KCNIP1: variants seen among roughly 807,000 people sequenced by gnomAD.
The protein encoded by KCNIP1 is potassium voltage-gated channel interacting protein 1, also known as A-type potassium channel modulatory protein KCNIP1.
KCNIP1 carries 18 observed loss-of-function variants against 33.0 expected under a neutral mutation model. That is an observed-to-expected ratio of 0.55 (90% CI 0.38 to 0.81). The LOEUF (loss-of-function observed/expected upper bound fraction) is 0.81, where lower values mean the gene tolerates loss of function less well. Among genes scored for constraint, KCNIP1 ranks in the 30% least tolerant of loss-of-function variants. The pLI is 0.00. For missense variants in KCNIP1, 238 were observed against 271.6 expected (o/e 0.88, Z 0.87); for synonymous variants, 93 against 98.3 (o/e 0.95, Z 0.32).
rs1330854942 is a variant in KCNIP1, at chr5:170,602,797, A to AT, written c.61+98164_61+98165insT. On this transcript the variant is annotated intron_variant, in intron 1 of 7. Coordinates refer to ENST00000328939, the MANE Select transcript of KCNIP1 (RefSeq NM_014592.4). ...ATATTTACAGGGGCCAGATGAAAAA[A>AT]CCAGAGGAGCCAGGAAAAGGAGCTT... Among the ~76,000 whole-genome samples the AT allele has an allele frequency of 5.3e-5, 8 of 152,130 alleles. No individual in the cohort carries two copies. The East Asian group carries it at 1.2e-3, about 22-fold the overall frequency.
exon 1 of KCNIP1, chr5:170,353,562 C>T (rs941903647): frequency 2.8e-5 from 13 of 456,642 alleles, no homozygotes; most frequent in South Asian, 1.1e-4. Context: ...CTCTCCTCCT[C>T]GGTTCCCTTG....
At chr5:170,689,968 TC>T (rs1327063788) in intron 1 of KCNIP1, among the ~76,000 whole-genome samples, 1 of 152,132 alleles carries the variant, frequency 6.6e-6, no homozygotes, top group East Asian at 1.9e-4. Context: ...CTAAAACCCT[TC>T]TTTTGTATGC....
At chr5:170,399,892 C>T (rs1288413387) in intron 1 of KCNIP1, among the ~76,000 whole-genome samples, 1 of 152,200 alleles carries the variant, frequency 6.6e-6, no homozygotes. Context: ...TGATTATTTC[C>T]TTCCAACAGG....
At chr5:170,442,607 G>T (rs979663225) in intron 1 of KCNIP1, among the ~76,000 whole-genome samples, 13 of 151,872 alleles carry the variant, frequency 8.6e-5, no homozygotes, top group African/African-American at 3.1e-4. Context: ...CAAGACACTA[G>T]GTCACTACAC....
intron 1 of KCNIP1, among the ~76,000 whole-genome samples, chr5:170,401,140 A>C (rs1286817066): frequency 6.6e-6 from 1 of 152,160 alleles, no homozygotes; most frequent in Non-Finnish European, 1.5e-5. Flanking sequence ...ACTCTCTCTG[A>C]GCCAGGACCT....
chr5:170,390,517 A>AAAAAAAAAAAAAATATATATATATATAT lies in KCNIP1; in HGVS notation c.88+36554_88+36555insAAAAAAAAAAAATATATATATATATATA. 6.7e-5 allele frequency among the ~76,000 whole-genome samples: 5 copies of AAAAAAAAAAAAAATATATATATATATAT among 74,546 alleles called. 1 individual carries two copies. Among genetic ancestry groups the AAAAAAAAAAAAAATATATATATATATAT allele is most frequent in the African/African-American group, 3.2e-4 (5 of 15,584 alleles). The allele number at this position is 74,546 out of a possible 152,430, so 48.9% of individuals were successfully genotyped here. A position where few individuals can be genotyped will look rare whatever the true frequency, so the allele number is the denominator to read the frequency against. ...GACCCCGTCTCAAAAAAAAAAAACA[A>AAAAAAAAAAAAAATATATATATATATAT]ATATATATATATATATATATATTTT... On this transcript the variant is annotated intron_variant, in intron 1 of 7. Coordinates refer to the KCNIP1 transcript ENST00000377360.
chr5:170,526,185 C>G (rs1330965051), intron 1 of KCNIP1, among the ~76,000 whole-genome samples: 1 of 152,194 alleles, frequency 6.6e-6, no homozygotes, highest in Non-Finnish European at 1.5e-5. Flanking sequence ...CCTGGGCACC[C>G]CAATACCCTC....
intron 1 of KCNIP1, among the ~76,000 whole-genome samples, chr5:170,608,681 A>G (rs1759026852): frequency 6.6e-6 from 1 of 152,114 alleles, no homozygotes; most frequent in East Asian, 1.9e-4. Context: ...CTGAGGTAGG[A>G]GAATCGCTTG....
At chr5:170,414,898 GA>G (rs1561614613) in intron 1 of KCNIP1, among the ~76,000 whole-genome samples, 2 of 152,160 alleles carry the variant, frequency 1.3e-5, no homozygotes. Flanking sequence ...TGTGTGATGC[GA>G]AAAGGAAGCT....
intron 1 of KCNIP1, among the ~76,000 whole-genome samples, chr5:170,369,979 C>T (rs771078541): frequency 2.0e-5 from 3 of 152,062 alleles, no homozygotes; most frequent in African/African-American, 7.2e-5. Context: ...GGGTAGGACC[C>T]TTTTTCCCCA....
chr5:170,624,730 G>T lies in KCNIP1; in HGVS notation c.62-94028G>T, dbSNP rs1184835994. On this transcript the variant is annotated intron_variant, in intron 1 of 7. Transcript: ENST00000328939. ...GGAGGAGAGGAAAGGAGACCGGGGAGGTGGGGGGGGAGAGGGGAGGGGAGG... is the reference window on the plus strand; with the variant it reads ...GGAGGAGAGGAAAGGAGACCGGGGATGTGGGGGGGGAGAGGGGAGGGGAGG... 5.0e-5 allele frequency among the ~76,000 whole-genome samples: 5 copies of T among 99,118 alleles called. 1 individual carries two copies. The highest frequency in any genetic ancestry group is 1.0e-4 in the Non-Finnish European group (5 of 47,908). The allele number at this position is 99,118 out of a possible 152,430, so 65.0% of individuals were successfully genotyped here. A position where few individuals can be genotyped will look rare whatever the true frequency, so the allele number is the denominator to read the frequency against.
chr5:170,602,409 G>A (rs981594644), intron 1 of KCNIP1, among the ~76,000 whole-genome samples: 2 of 152,236 alleles, frequency 1.3e-5, no homozygotes, highest in East Asian at 1.9e-4. Flanking sequence ...GGAAGAGGAC[G>A]GGATGCCTGG....
At chr5:170,719,198 C>A (rs1010422188) in intron 2 of KCNIP1, among the ~76,000 whole-genome samples, 8 of 152,110 alleles carry the variant, frequency 5.3e-5, no homozygotes, top group African/African-American at 1.9e-4. Context: ...CCTGGTGGTG[C>A]CCCCACAATA....
chr5:170,353,867 C>T lies in KCNIP1; in HGVS notation c.-10C>T, dbSNP rs939059578. 4 of 1,613,534 alleles carry T rather than the reference C, an allele frequency of 2.5e-6. No individual in the cohort carries two copies. The African/African-American group carries it at 4.0e-5, about 16-fold the overall frequency. ...GTGCTGACAGCAGAGCCTGGCTCCC[C>T]TCCGCCACCATGAGCGGCTGCTCCA... On this transcript the variant is annotated 5_prime_UTR_variant, in exon 1 of 8. Coordinates refer to the KCNIP1 transcript ENST00000377360.
intron 1 of KCNIP1, among the ~76,000 whole-genome samples, chr5:170,691,701 T>G (rs543976569): frequency 5.5e-4 from 83 of 152,270 alleles, no homozygotes; most frequent in Non-Finnish European, 1.1e-3. Flanking sequence ...AGGCAGCTGG[T>G]GGGCACAACC....
At chr5:170,632,085 G>A (rs1186199400) in intron 1 of KCNIP1, among the ~76,000 whole-genome samples, 6 of 152,196 alleles carry the variant, frequency 3.9e-5, no homozygotes, top group Non-Finnish European at 1.5e-5. Context: ...GGACCTTCGT[G>A]CCTGTCCTCT....
At chr5:170,695,724 A>ACAGTTAG (rs1238680181) in intron 1 of KCNIP1, among the ~76,000 whole-genome samples, 1 of 152,232 alleles carries the variant, frequency 6.6e-6, no homozygotes, top group Non-Finnish European at 1.5e-5. Context: ...AATGGTCCAC[A>ACAGTTAG]CAGTTAGCAT....
intron 1 of KCNIP1, among the ~76,000 whole-genome samples, chr5:170,473,956 A>G (rs1441216720): frequency 6.6e-6 from 1 of 152,188 alleles, no homozygotes; most frequent in Admixed American, 6.5e-5. Flanking sequence ...TTAGAAAATA[A>G]TTAGACTGCG....
At chr5:170,657,082 AC>A (rs1761302664) in intron 1 of KCNIP1, among the ~76,000 whole-genome samples, 1 of 132,284 alleles carries the variant, frequency 7.6e-6, no homozygotes, top group African/African-American at 3.0e-5. Flanking sequence ...TGCAACCTCC[AC>A]CTCCCGGGTT....
Sources: gnomAD v4.1 joint callset for allele counts (sites outside exome capture counted in the v4.1 genomes callset) on GRCh38, gnomAD v4.1.1 for gene constraint, MANE v1.5 for transcripts, NCBI Gene and HGNC (gene_info 2026-07-23, HGNC 2026-07-21) for gene names.